The following NTN4 variants were observed in gnomAD, a reference collection of about 807,000 sequenced individuals.
NTN4 encodes the protein netrin-4.
In NTN4, 32 loss-of-function variants were observed where a neutral mutation model predicts 73.6. That is an observed-to-expected ratio of 0.44 (90% CI 0.33 to 0.58). The LOEUF (loss-of-function observed/expected upper bound fraction) is 0.58. NTN4 is among the 20% of genes least tolerant of loss of function. The pLI, the probability that NTN4 is intolerant of heterozygous loss-of-function variation, is 0.04. For synonymous variants in NTN4, 258 were observed against 287.5 expected (o/e 0.90, Z 1.04); for missense variants, 654 against 798.3 (o/e 0.82, Z 2.18).
chr12:95,672,961 T>A (rs1287362012), intron 7 of NTN4: 2 of 1,136,072 alleles, frequency 1.8e-6, no homozygotes, highest in Non-Finnish European at 2.7e-6. Flanking sequence ...TGTCTGTAAA[T>A]TGGACAAGAG....
intron 3 of NTN4, among the ~76,000 whole-genome samples, chr12:95,717,632 G>A (rs777633511): frequency 4.8e-5 from 7 of 146,856 alleles, no homozygotes; most frequent in Non-Finnish European, 1.0e-4. Flanking sequence ...TGATGCTCGT[G>A]AAAAATGTGC....
intron 2 of NTN4, among the ~76,000 whole-genome samples, chr12:95,784,401 C>T (rs2079152591): frequency 6.6e-6 from 1 of 152,196 alleles, no homozygotes; most frequent in African/African-American, 2.4e-5. Context: ...ATAATGACTT[C>T]TTTACACTTT....
At chr12:95,784,422 A>G (rs2079152799) in intron 2 of NTN4, among the ~76,000 whole-genome samples, 1 of 152,182 alleles carries the variant, frequency 6.6e-6, no homozygotes, top group South Asian at 2.1e-4. Flanking sequence ...ACACTTGCAA[A>G]TAATGCTCTA....
At chr12:95,694,201 G>A (rs763312557) in intron 5 of NTN4, among the ~76,000 whole-genome samples, 1 of 152,048 alleles carries the variant, frequency 6.6e-6, no homozygotes, top group Non-Finnish European at 1.5e-5. Flanking sequence ...AGCTACACTG[G>A]GAGAAAAATA....
chr12:95,678,196 G>A (rs1283730799), intron 7 of NTN4, among the ~76,000 whole-genome samples: 2 of 151,898 alleles, frequency 1.3e-5, no homozygotes, highest in Non-Finnish European at 2.9e-5. Flanking sequence ...GGGGTGTGGG[G>A]GGCGAGGGGA....
intron 2 of NTN4, chr12:95,740,033 G>C (rs1234696152): frequency 6.6e-6 from 1 of 152,240 alleles, no homozygotes; most frequent in Non-Finnish European, 1.5e-5. Flanking sequence ...TGACACCACA[G>C]TTGGCACGCG....
intron 2 of NTN4, among the ~76,000 whole-genome samples, chr12:95,782,421 G>A (rs775574646): frequency 1.2e-4 from 18 of 151,724 alleles, no homozygotes; most frequent in Admixed American, 7.2e-4. Flanking sequence ...TCAGCTTCCC[G>A]AGTAGCTGGG....
intron 2 of NTN4, among the ~76,000 whole-genome samples, chr12:95,769,749 ATCTTTT>A (rs2079043809): frequency 8.4e-6 from 1 of 119,454 alleles, no homozygotes; most frequent in African/African-American, 3.0e-5. Flanking sequence ...TTAGGTTTCA[ATCTTTT>A]TTTTTTTTTT....
At chr12:95,782,025 T>A (rs936401098) in intron 2 of NTN4, among the ~76,000 whole-genome samples, 2 of 152,198 alleles carry the variant, frequency 1.3e-5, no homozygotes, top group African/African-American at 4.8e-5. Context: ...TAAGATCCTC[T>A]ATTGGTTGTG....
intron 2 of NTN4, among the ~76,000 whole-genome samples, chr12:95,744,430 T>G (rs1449811968): frequency 6.6e-6 from 1 of 152,214 alleles, no homozygotes. Context: ...ATACCTAATC[T>G]TTTTCAAAAA....
intron 2 of NTN4, among the ~76,000 whole-genome samples, chr12:95,744,992 T>C (rs909153746): frequency 6.6e-6 from 1 of 152,118 alleles, no homozygotes; most frequent in Non-Finnish European, 1.5e-5. Flanking sequence ...CAGGCTTACG[T>C]TGTTTCCAAC....
rs775408668 is a variant in NTN4 at position 95,781,476 on chromosome 12, G to A, written c.585+5463C>T. Among the ~76,000 whole-genome samples the A allele has an allele frequency of 2.0e-5, 3 of 152,046 alleles. No homozygotes were observed. The highest frequency in any genetic ancestry group is 2.9e-5 in the Non-Finnish European group (2 of 68,006). On this transcript the variant is annotated intron_variant, in intron 2 of 9. Coordinates refer to ENST00000343702, the MANE Select transcript of NTN4 (RefSeq NM_021229.4). This position sits in a 1 kb window ranked among gnomAD's most constrained non-coding sequence, Gnocchi z 4.1. ...TAGCAAACCTGGGTGGGAGGAGGGC[G>A]AGCATCAGGAAGAATAGCTAATGGA...
intron 2 of NTN4, among the ~76,000 whole-genome samples, chr12:95,745,191 GTTA>G (rs1432778820): frequency 2.6e-5 from 4 of 151,988 alleles, no homozygotes; most frequent in African/African-American, 9.7e-5. Context: ...TGGATTTATA[GTTA>G]TTATAAAATT....
chr12:95,752,186 G>T (rs1404498336), intron 2 of NTN4, among the ~76,000 whole-genome samples: 3 of 151,612 alleles, frequency 2.0e-5, no homozygotes, highest in Non-Finnish European at 4.4e-5. Context: ...AAAGATTAAA[G>T]CCTGTTATCA....
chr12:95,686,119 T>C (rs950407215), intron 5 of NTN4, among the ~76,000 whole-genome samples: 26 of 152,120 alleles, frequency 1.7e-4, no homozygotes, highest in African/African-American at 6.0e-4. Context: ...CTTGAACTCC[T>C]GGGCTCAAGC....
intron 7 of NTN4, chr12:95,672,272 C>A: frequency 1.4e-6 from 1 of 730,526 alleles, no homozygotes; most frequent in Non-Finnish European, 2.5e-6. Context: ...AGAATCTGAA[C>A]CCCAGCTGGC....
At chr12:95,758,495 A>G (rs2078962452) in intron 2 of NTN4, among the ~76,000 whole-genome samples, 1 of 152,214 alleles carries the variant, frequency 6.6e-6, no homozygotes, top group Non-Finnish European at 1.5e-5. Flanking sequence ...ATGATTTGCA[A>G]ATATTTTCTA....
chr12:95,731,221 G>C (rs2121153069), intron 3 of NTN4, among the ~76,000 whole-genome samples: 1 of 152,236 alleles, frequency 6.6e-6, no homozygotes, highest in South Asian at 2.1e-4. Context: ...ATACCTTCTA[G>C]GGTTATAGTA....
At chr12:95,689,169 G>C (rs985160615) in intron 5 of NTN4, among the ~76,000 whole-genome samples, 1 of 151,974 alleles carries the variant, frequency 6.6e-6, no homozygotes, top group Non-Finnish European at 1.5e-5. Context: ...TTATCTTCTT[G>C]GATAACCTCA....
Sources: allele counts gnomAD v4.1 joint callset (sites outside exome capture counted in the v4.1 genomes callset), GRCh38; gene constraint gnomAD v4.1.1; non-coding constraint Gnocchi (gnomAD v3.1); transcripts MANE v1.5; gene names NCBI Gene and HGNC (gene_info 2026-07-23, HGNC 2026-07-21).